Variants in SYNE2 observed in about 807,000 individuals in gnomAD.
The protein encoded by SYNE2 is nesprin-2.
In SYNE2, 431 loss-of-function variants were observed where a neutral mutation model predicts 856.3. The observed-to-expected ratio is 0.50, with a 90% CI of 0.47 to 0.55. SYNE2 has a LOEUF of 0.55. Among genes scored for constraint, SYNE2 ranks in the 20% least tolerant of loss-of-function variants. The pLI, the probability that SYNE2 is intolerant of heterozygous loss-of-function variation, is 0.00. For missense variants in SYNE2, 8,129 were observed against 8,023.2 expected (o/e 1.01, Z -0.50); for synonymous variants, 2,923 against 2,872.3 (o/e 1.02, Z -0.56).
chr14:64,212,239 C>T, intron 104 of SYNE2, 141 bp downstream of exon 104: 1 of 1,356,806 alleles, frequency 7.4e-7, no homozygotes, highest in East Asian at 2.3e-5. Flanking sequence ...CACCTGTGTA[C>T]TACCAGATTA....
At chr14:64,197,800 T>C (rs561145306) in intron 99 of SYNE2, among the ~76,000 whole-genome samples, 99 of 152,238 alleles carry the variant, frequency 6.5e-4, no homozygotes, top group African/African-American at 2.3e-3. Context: ...CTAACCTGAC[T>C]TGATTTTGTT....
chr14:63,907,209 C>G (rs1251897883), intron 1 of SYNE2, among the ~76,000 whole-genome samples: 1 of 152,198 alleles, frequency 6.6e-6, no homozygotes, highest in Non-Finnish European at 1.5e-5. Flanking sequence ...ATTTATCATT[C>G]TCAGAGGATT....
intron 84 of SYNE2, 66 bp from the exon 85 acceptor site, chr14:64,152,498 C>G: frequency 6.5e-7 from 1 of 1,542,662 alleles, no homozygotes; most frequent in Non-Finnish European, 8.9e-7. Flanking sequence ...GAACTCCTGT[C>G]TCTGACACCT....
intron 84 of SYNE2, among the ~76,000 whole-genome samples, chr14:64,147,935 A>G (rs932561545): frequency 6.6e-6 from 1 of 152,280 alleles, no homozygotes; most frequent in East Asian, 1.9e-4. Flanking sequence ...AATTATATCT[A>G]CGGTAGTTTA....
chr14:64,202,130 G>C (rs887420592), intron 99 of SYNE2: 1 of 698,384 alleles, frequency 1.4e-6, no homozygotes, highest in East Asian at 2.7e-5. Flanking sequence ...ACTGGCGAGG[G>C]AGATCACATT....
intron 1 of SYNE2, among the ~76,000 whole-genome samples, chr14:63,770,224 G>T (rs2139702882): frequency 6.6e-6 from 1 of 152,116 alleles, no homozygotes; most frequent in South Asian, 2.1e-4. Context: ...TGAAATACCG[G>T]GGGAAAGATG....
chr14:64,096,212 G>A (rs2097675752), intron 61 of SYNE2, among the ~76,000 whole-genome samples: 1 of 152,094 alleles, frequency 6.6e-6, no homozygotes, highest in East Asian at 1.9e-4. Context: ...TTTTTATCAA[G>A]GACATTCTTA....
At chr14:64,067,814 T>C (rs1209600916) in intron 51 of SYNE2, among the ~76,000 whole-genome samples, 1 of 152,228 alleles carries the variant, frequency 6.6e-6, no homozygotes, top group African/African-American at 2.4e-5. Context: ...CATTTTATGC[T>C]TCAATGATCA....
chr14:63,980,226 T>A (rs1164462032), intron 14 of SYNE2, among the ~76,000 whole-genome samples: 2 of 152,218 alleles, frequency 1.3e-5, no homozygotes, highest in Admixed American at 1.3e-4. Flanking sequence ...GAAATGTTTT[T>A]GTGTGATGGA....
intron 45 of SYNE2, among the ~76,000 whole-genome samples, chr14:64,037,781 T>G (rs1162713193): frequency 3.3e-5 from 4 of 120,706 alleles, no homozygotes; most frequent in Non-Finnish European, 5.2e-5. Context: ...CACTTCCCAG[T>G]AGGGGCGGCC....
At chr14:64,154,168 T>TA (rs5809216) in intron 85 of SYNE2, among the ~76,000 whole-genome samples, 24,803 of 137,916 alleles carry the variant, frequency 0.18, 2,515 homozygotes, top group Non-Finnish European at 0.23. Context: ...CCATTTGTAT[T>TA]AAAAAAAAAA....
rs113820617 is a variant in SYNE2, at chr14:64,074,238, C to T, written c.10866+102C>T. 11,164 of 1,213,036 alleles carry T rather than the reference C, an allele frequency of 9.2e-3. 746 individuals carry two copies. In the African/African-American group the frequency reaches 0.14, roughly 16 times the overall value. The allele number at this position is 1,213,036 out of a possible 1,614,324, so 75.1% of individuals were successfully genotyped here. A position where few individuals can be genotyped will look rare whatever the true frequency, so the allele number is the denominator to read the frequency against. ...AACTCAGTGGCTGGGTTTGGGGGAG[C>T]GGTCTGGGGAGAGAGAGAGAGGCAT... is the stretch of plus-strand genomic sequence containing the variant. On this transcript the variant is annotated intron_variant, in intron 53 of 115. Transcript: ENST00000555002.
At chr14:63,911,505 A>G (rs1216311501) in intron 2 of SYNE2, among the ~76,000 whole-genome samples, 1 of 152,152 alleles carries the variant, frequency 6.6e-6, no homozygotes, top group African/African-American at 2.4e-5. Context: ...TGATCCTCAC[A>G]ACCACATGAT....
intron 96 of SYNE2, among the ~76,000 whole-genome samples, chr14:64,182,450 AC>A (rs1281632770): frequency 6.6e-6 from 1 of 151,990 alleles, no homozygotes. Flanking sequence ...GGGATTTGGC[AC>A]GGTCATAGGA....
chr14:63,833,872 A>AT (rs77750988), intron 1 of SYNE2, among the ~76,000 whole-genome samples: 5 of 151,570 alleles, frequency 3.3e-5, no homozygotes, highest in South Asian at 2.1e-4. Flanking sequence ...GGAAATGCAG[A>AT]TTTTTTTTTA....
At chr14:64,091,651 TGGC>T (rs999199387) in intron 60 of SYNE2, among the ~76,000 whole-genome samples, 6 of 152,160 alleles carry the variant, frequency 3.9e-5, no homozygotes, top group Admixed American at 1.3e-4. Flanking sequence ...TGTGTTGTGG[TGGC>T]GGTGGTGGTG....
chr14:63,920,351 C>A (rs999922192), intron 2 of SYNE2, among the ~76,000 whole-genome samples: 2 of 151,412 alleles, frequency 1.3e-5, no homozygotes, highest in African/African-American at 2.4e-5. Flanking sequence ...AAGATGGTAG[C>A]ACATGAGCAG....
intron 19 of SYNE2, 101 bp from the exon 20 acceptor site, chr14:63,990,310 G>C (rs2096657396): frequency 8.4e-7 from 1 of 1,188,734 alleles, no homozygotes. Flanking sequence ...CCTGATTTTG[G>C]ATTAATAATG....
chr14:64,004,191 A>ATTTTTTTTTTT, intron 30 of SYNE2, among the ~76,000 whole-genome samples: 1 of 138,328 alleles, frequency 7.2e-6, no homozygotes, highest in Non-Finnish European at 1.6e-5. Context: ...TGCCTGGCTA[A>ATTTTTTTTTTT]TTTTTTTTTT....
Sources: allele counts gnomAD v4.1 joint callset (sites outside exome capture counted in the v4.1 genomes callset), GRCh38; gene constraint gnomAD v4.1.1; transcripts MANE v1.5; gene names NCBI Gene and HGNC (gene_info 2026-07-23, HGNC 2026-07-21).